PHKA1: variants seen among roughly 807,000 people sequenced by gnomAD.
PHKA1 encodes phosphorylase b kinase regulatory subunit alpha, skeletal muscle isoform.
A neutral mutation model predicts 110.2 loss-of-function variants in PHKA1; 60 were observed. The observed-to-expected ratio is 0.54, with a 90% CI of 0.44 to 0.68. PHKA1 has a LOEUF of 0.68. PHKA1 is among the 30% of genes least tolerant of loss of function. PHKA1 has a pLI of 0.00. For missense variants in PHKA1, 801 were observed against 942.5 expected (o/e 0.85, Z 1.97); for synonymous variants, 316 against 333.6 (o/e 0.95, Z 0.58).
intron 23 of PHKA1, 79 bp from the exon 24 acceptor site, chrX:72,605,698 T>C: frequency 1.4e-6 from 1 of 734,713 alleles, no homozygotes; most frequent in Non-Finnish European, 2.1e-6. Context: ...GAAGAAGCTT[T>C]ATCCAAGTCC....
chrX:72,674,412 C>G (rs1436736773), intron 6 of PHKA1, among the ~76,000 whole-genome samples: 7 of 111,079 alleles, frequency 6.3e-5, no homozygotes, highest in Non-Finnish European at 1.3e-4. Context: ...AACTAGTTTA[C>G]AGTCCCACCA....
chrX:72,622,062 ACAT>A, intron 18 of PHKA1: 13 of 742,396 alleles, frequency 1.8e-5, no homozygotes, highest in Non-Finnish European at 2.1e-5. Flanking sequence ...TTATGCCAAG[ACAT>A]CATGACTTTT....
intron 21 of PHKA1, among the ~76,000 whole-genome samples, chrX:72,611,855 A>C (rs1260597518): frequency 8.9e-6 from 1 of 112,138 alleles, no homozygotes; most frequent in Non-Finnish European, 1.9e-5. Flanking sequence ...AAAATTGGAC[A>C]ATTCCTTTGG....
intron 10 of PHKA1, among the ~76,000 whole-genome samples, chrX:72,655,719 TTCA>T (rs1453663595): frequency 4.5e-5 from 5 of 110,457 alleles, no homozygotes; most frequent in African/African-American, 1.6e-4. Context: ...GCCTCCCAGG[TTCA>T]CGCCATTCTC....
intron 29 of PHKA1, among the ~76,000 whole-genome samples, chrX:72,589,408 G>A (rs1417760901): frequency 9.0e-6 from 1 of 111,625 alleles, no homozygotes; most frequent in African/African-American, 3.3e-5. Flanking sequence ...CAATAAATTA[G>A]GTATTGATGG....
At chrX:72,681,551 T>G (rs1212421284) in intron 5 of PHKA1, among the ~76,000 whole-genome samples, 2 of 74,251 alleles carry the variant, frequency 2.7e-5, no homozygotes, top group Admixed American at 1.5e-4. Flanking sequence ...GGTGGGGGGG[T>G]CAGCCCCCCG....
At chrX:72,630,410 G>C (rs1756194670) in intron 16 of PHKA1, among the ~76,000 whole-genome samples, 1 of 110,523 alleles carries the variant, frequency 9.0e-6, no homozygotes, top group Non-Finnish European at 1.9e-5. Context: ...GATGTTTCAA[G>C]ATTCCATCTA....
intron 22 of PHKA1, among the ~76,000 whole-genome samples, chrX:72,610,480 A>G (rs1319754425): frequency 8.9e-6 from 1 of 112,179 alleles, no homozygotes; most frequent in Non-Finnish European, 1.9e-5. Context: ...AATAATATCC[A>G]ATTGTGTATA....
chrX:72,651,335 G>A (rs1413261633), intron 12 of PHKA1, among the ~76,000 whole-genome samples: 2 of 110,807 alleles, frequency 1.8e-5, no homozygotes, highest in Non-Finnish European at 3.8e-5. Flanking sequence ...TTGGGCTTTC[G>A]AGACCAGCCT....
At chrX:72,653,363 A>T in intron 11 of PHKA1, 72 bp downstream of exon 11, 2 of 657,708 alleles carry the variant, frequency 3.0e-6, no homozygotes, top group Non-Finnish European at 2.5e-6. Context: ...TATTTGACTC[A>T]AATGAGGTAG....
chrX:72,680,828 G>A (rs2053845485), intron 5 of PHKA1, among the ~76,000 whole-genome samples: 2 of 81,676 alleles, frequency 2.4e-5, no homozygotes, highest in Admixed American at 1.3e-4. Flanking sequence ...GCCGGCGAGC[G>A]CCGCCCGGGA....
Position 72,713,986 on chromosome X carries a change from G to T in PHKA1, c.-106C>A. The T allele has an allele frequency of 1.6e-6, 1 of 612,657 alleles. No homozygotes were observed. Among genetic ancestry groups the T allele is most frequent in the Admixed American group, 2.6e-5 (1 of 38,207 alleles). The allele number at this position is 612,657 out of a possible 1,213,427, so 50.5% of individuals were successfully genotyped here. ...CGCTGCTCCACCCTCGTGGTGGGACGCCTGAACACCAGGCCCCGCAGAGCC... is the reference window on the plus strand; with the variant it reads ...CGCTGCTCCACCCTCGTGGTGGGACTCCTGAACACCAGGCCCCGCAGAGCC... On this transcript the variant is annotated 5_prime_UTR_variant, in exon 1 of 32. Coordinates refer to ENST00000373542, the MANE Select transcript of PHKA1 (RefSeq NM_002637.4).
Position 72,580,821 on chromosome X carries a change from G to C in PHKA1, c.*181C>G. 2.1e-6 allele frequency: 1 copy of C among 476,095 alleles called. No individual in the cohort carries two copies. Among genetic ancestry groups the C allele is most frequent in the East Asian group, 3.7e-5 (1 of 27,341 alleles). 39.2% of individuals were successfully genotyped at this position (476,095 alleles called of 1,213,427 possible). A position where few individuals can be genotyped will look rare whatever the true frequency, so the allele number is the denominator to read the frequency against. On this transcript the variant is annotated 3_prime_UTR_variant, in exon 32 of 32. Transcript: ENST00000373542. ...ACTGGTTCTGCAAGGTGAGCCTCCA[G>C]GTAAGTGTTCACTTCTTCTACAGTA...
rs1156737487 is a variant in PHKA1 at position 72,580,034 on chromosome X, T to G, written c.*968A>C. 1 of 111,128 alleles carries G rather than the reference T, an allele frequency of 9.0e-6. No homozygotes were observed. Among genetic ancestry groups the G allele is most frequent in the Non-Finnish European group, 1.9e-5 (1 of 53,035 alleles). 9.2% of individuals were successfully genotyped at this position (111,128 alleles called of 1,213,427 possible). On this transcript the variant is annotated 3_prime_UTR_variant, in exon 32 of 32. Transcript: ENST00000373542. ...TTTGCTGAATACAGACGCTTCAAAT[T>G]ATTGTCTGTGTTGTGTATTGGCCCA...
chrX:72,705,325 A>G (rs1469649402), intron 2 of PHKA1, 80 bp from the exon 3 acceptor site: 5 of 731,530 alleles, frequency 6.8e-6, no homozygotes, highest in Non-Finnish European at 8.5e-6. Context: ...CAGATGGTAC[A>G]TGACCTTTTG....
intron 2 of PHKA1, among the ~76,000 whole-genome samples, chrX:72,707,487 T>TC (rs1162675845): frequency 7.3e-5 from 8 of 110,176 alleles, no homozygotes; most frequent in Admixed American, 6.7e-4. Context: ...TATATCTGTC[T>TC]CCCCCATCAG....
rs1482397849 is a variant in PHKA1 at position 72,714,063 on chromosome X, C to T, written c.-183G>A. The T allele has an allele frequency of 2.7e-5, 13 of 473,516 alleles. No individual in the cohort carries two copies. Among genetic ancestry groups the T allele is most frequent in the African/African-American group, 2.6e-4 (11 of 42,797 alleles). 39.0% of individuals were successfully genotyped at this position (473,516 alleles called of 1,213,427 possible). On this transcript the variant is annotated 5_prime_UTR_variant, in exon 1 of 32. Transcript: ENST00000373542. ...GGATTCCGCGTACCTCTCCGGACTC[C>T]GGCGGCCTCAGGGGCCCACCACGCG...
chrX:72,595,420 C>T (rs2052577135), intron 28 of PHKA1, among the ~76,000 whole-genome samples: 2 of 110,551 alleles, frequency 1.8e-5, no homozygotes, highest in African/African-American at 6.6e-5. Context: ...CACTTGTATT[C>T]AACATTTTAT....
At chrX:72,668,913 A>G (rs1270858013) in intron 6 of PHKA1, among the ~76,000 whole-genome samples, 2 of 112,627 alleles carry the variant, frequency 1.8e-5, no homozygotes, top group African/African-American at 6.5e-5. Flanking sequence ...CAGGCATAAG[A>G]CAGACAGAGA....
Sources: allele counts gnomAD v4.1 joint callset (sites outside exome capture counted in the v4.1 genomes callset), GRCh38; gene constraint gnomAD v4.1.1; transcripts MANE v1.5; gene names NCBI Gene and HGNC (gene_info 2026-07-23, HGNC 2026-07-21).